The following UBE3B variants were observed in gnomAD, a reference collection of about 807,000 sequenced individuals.
The protein encoded by UBE3B is ubiquitin-protein ligase E3B.
Under a neutral mutation model 132.3 loss-of-function variants are expected in UBE3B, and 80 were observed. The observed-to-expected ratio is 0.60, with a 90% CI of 0.50 to 0.73. The LOEUF is 0.73. Ranked by LOEUF, UBE3B falls within the 30% of genes least tolerant of loss-of-function variation. The pLI is 0.00. For missense variants in UBE3B, 1,196 were observed against 1,362.5 expected, an observed-to-expected ratio of 0.88 and a Z score of 1.92; for synonymous variants, 487 against 520.4, an observed-to-expected ratio of 0.94 and a Z score of 0.87.
chr12:109,511,386 T>G (rs979547979), intron 18 of UBE3B, 83 bp downstream of exon 18: 2 of 1,269,998 alleles, frequency 1.6e-6, no homozygotes, highest in Admixed American at 1.9e-5. Context: ...GCTATGGCAA[T>G]TGGAGGTGAC....
rs1454599478 is a variant in UBE3B at position 109,521,146 on chromosome 12, A to G, written c.2077-2A>G. Reference sequence around the variant, plus strand: ...AATGGGCTGTAATTCTGCTCTTGGCAGGACGGCTACGAGCAGCTTAGGCAG... The same window carrying G: ...AATGGGCTGTAATTCTGCTCTTGGCGGGACGGCTACGAGCAGCTTAGGCAG... On this transcript the variant is annotated splice_acceptor_variant, in intron 19 of 27. Transcript: ENST00000342494. LOFTEE classifies it high-confidence loss of function. The surrounding 1 kb of genome is among the most constrained non-coding windows in gnomAD (Gnocchi z 4.2). 1.2e-6 allele frequency: 2 copies of G among 1,614,064 alleles called. No homozygotes were observed. Among genetic ancestry groups the G allele is most frequent in the Non-Finnish European group, 1.7e-6 (2 of 1,179,926 alleles).
rs752047709 is a variant in UBE3B at position 109,509,561 on chromosome 12, G to C, written c.1623-35G>C. 6.2e-6 allele frequency: 9 copies of C among 1,450,682 alleles called. No homozygotes were observed. The African/African-American group carries it at 1.3e-4, about 21-fold the overall frequency. 89.9% of individuals were successfully genotyped at this position (1,450,682 alleles called of 1,614,324 possible). ...TTTTTTTTCTCTTCGCCTTTTTTCA[G>C]TGTGGAATTGTGGGTAATTTTCTCT... On this transcript the variant is annotated intron_variant, in intron 15 of 27. Coordinates refer to ENST00000342494, the MANE Select transcript of UBE3B (RefSeq NM_130466.4).
At chr12:109,546,675 G>C in the UBE3B span, among the ~76,000 whole-genome samples, 1 of 152,214 alleles carries the variant, frequency 6.6e-6, no homozygotes, top group African/African-American at 2.4e-5. Flanking sequence ...TTGGGCACCT[G>C]CTGTGTGCAC....
chr12:109,497,844 A>G lies in UBE3B; in HGVS notation c.740A>G (p.Asp247Gly), dbSNP rs1878434648. The G allele has an allele frequency of 1.9e-6, 3 of 1,614,182 alleles. 1 individual carries two copies. In the African/African-American group the frequency reaches 4.0e-5, roughly 22 times the overall value. Reference protein sequence around the residue: ...LRPVIAAQFSDNLIRPFLIHI... With the variant: ...LRPVIAAQFSGNLIRPFLIHI... ...CCTGTGATTGCTGCACAGTTCTCAG[A>G]CAATCTGATTCGGCCGTTCCTCATC... The change falls in exon 10 of 28, where the codon GAC (aspartate) becomes GGC (glycine). Residue 247 changes from aspartate to glycine, a missense_variant. Transcript: ENST00000342494.
downstream of UBE3B, among the ~76,000 whole-genome samples, chr12:109,539,568 A>T (rs1188753815): frequency 6.6e-6 from 1 of 152,188 alleles, no homozygotes; most frequent in Non-Finnish European, 1.5e-5. Context: ...AGCACCCACC[A>T]TGCAGTCTTG....
chr12:109,482,804 C>T (rs186324240), intron 2 of UBE3B, among the ~76,000 whole-genome samples: 3 of 152,188 alleles, frequency 2.0e-5, no homozygotes, highest in African/African-American at 4.8e-5. Context: ...AGAAAAGCAC[C>T]CGTTAGTGGA....
rs148729825 is a variant in UBE3B, at chr12:109,533,487, C to G, written c.2944C>G (p.Pro982Ala). Residue 982 changes from proline (P) to alanine (A), a missense_variant, in exon 27 of 28, where the codon CCC (proline) becomes GCC (alanine). Transcript: ENST00000342494. ...FLKFVTSCSR[P>A]PLLGFAYLKP... ...GCAGTTCGTGACCAGCTGCTCCAGACCCCCGCTCCTGGGATTCGCCTACCT... is the reference window on the plus strand; with the variant it reads ...GCAGTTCGTGACCAGCTGCTCCAGAGCCCCGCTCCTGGGATTCGCCTACCT... 3.7e-6 allele frequency: 6 copies of G among 1,614,012 alleles called. No homozygotes were observed. The South Asian group carries it at 6.6e-5, about 18-fold the overall frequency.
intron 24 of UBE3B, 87 bp downstream of exon 24, chr12:109,526,503 T>C (rs1882350642): frequency 1.5e-6 from 2 of 1,343,236 alleles, no homozygotes; most frequent in Non-Finnish European, 2.1e-6. Flanking sequence ...TTTATTAAGA[T>C]AGATTGAAGT....
intron 26 of UBE3B, among the ~76,000 whole-genome samples, chr12:109,531,131 A>G (rs1304756667): frequency 6.6e-6 from 1 of 152,180 alleles, no homozygotes; most frequent in Non-Finnish European, 1.5e-5. Flanking sequence ...CATTTTCTCA[A>G]TAGCGTAAGA....
chr12:109,530,596 A>G lies in UBE3B; in HGVS notation c.2860A>G (p.Ile954Val). Residue 954 changes from isoleucine to valine, a missense_variant, in exon 26 of 28, where the codon ATC (isoleucine) becomes GTC (valine). Coordinates refer to ENST00000342494, the MANE Select transcript of UBE3B (RefSeq NM_130466.4). ...TTTCCATGGAAGTCACAGAGTCATC[A>G]TCTGGCTCTGGGATATTCTGGCCTC... Reference protein sequence around the residue: ...GGFHGSHRVIIWLWDILASDF... With the variant: ...GGFHGSHRVIVWLWDILASDF... 6.2e-7 allele frequency: 1 copy of G among 1,614,206 alleles called. No individual in the cohort carries two copies. Among genetic ancestry groups the G allele is most frequent in the Non-Finnish European group, 8.5e-7 (1 of 1,180,034 alleles).
the UBE3B span, among the ~76,000 whole-genome samples, chr12:109,542,414 A>G: frequency 1.6e-4 from 25 of 152,324 alleles, 3 homozygotes; most frequent in African/African-American, 5.5e-4. Context: ...TTCTTGGAAT[A>G]TGTCACCAAA....
chr12:109,521,622 A>ATGTG lies in UBE3B; in HGVS notation c.2364+72_2364+73insGTGT. 1.9e-5 allele frequency: 25 copies of ATGTG among 1,339,526 alleles called. No homozygotes were observed. Among genetic ancestry groups the ATGTG allele is most frequent in the Non-Finnish European group, 2.3e-5 (22 of 977,722 alleles). The allele number at this position is 1,339,526 out of a possible 1,614,324, so 83.0% of individuals were successfully genotyped here. ...GTACCATGGGCTTCTTCACATACAC[A>ATGTG]TATGTGATCAGGCTTGGCCATGTAA... is the stretch of plus-strand genomic sequence containing the variant. On this transcript the variant is annotated intron_variant, in intron 21 of 27. Transcript: ENST00000342494. This position sits in a 1 kb window ranked among gnomAD's most constrained non-coding sequence, Gnocchi z 4.2.
chr12:109,516,838 C>T lies in UBE3B; in HGVS notation c.2030C>T (p.Ser677Phe), dbSNP rs779335516. The change falls in exon 19 of 28, where the codon TCC (serine) becomes TTC (phenylalanine). Residue 677 changes from serine (S) to phenylalanine (F), a missense_variant. Coordinates refer to ENST00000342494, the MANE Select transcript of UBE3B (RefSeq NM_130466.4). ...KLGLVETSSA[S>F]PHVTHITIRR... ...GGGCTGGTGGAAACCAGCTCTGCCT[C>T]CCCGCATGTCACTCACATCACCATC... 6 of 1,614,110 alleles carry T rather than the reference C, an allele frequency of 3.7e-6. No homozygotes were observed. The South Asian group carries it at 4.4e-5, about 12-fold the overall frequency.
At chr12:109,509,768 G>C in intron 16 of UBE3B, 54 bp downstream of exon 16, 1 of 1,189,674 alleles carries the variant, frequency 8.4e-7, no homozygotes, top group South Asian at 1.4e-5. Context: ...CAGGGAGGCC[G>C]AAGAGTCTAT....
downstream of UBE3B, among the ~76,000 whole-genome samples, chr12:109,537,372 TTGG>T (rs1268753380): frequency 6.6e-6 from 1 of 152,214 alleles, no homozygotes; most frequent in Admixed American, 6.5e-5. Flanking sequence ...TTGCCCCGCC[TTGG>T]TGCTTCTGTC....
chr12:109,506,111 C>T (rs1446941114), intron 14 of UBE3B, among the ~76,000 whole-genome samples: 4 of 152,186 alleles, frequency 2.6e-5, no homozygotes, highest in Non-Finnish European at 1.5e-5. Flanking sequence ...TTTGCTTCCT[C>T]AGGGTTCCAT....
chr12:109,539,503 A>C (rs1309626416), downstream of UBE3B, among the ~76,000 whole-genome samples: 1 of 152,194 alleles, frequency 6.6e-6, no homozygotes, highest in African/African-American at 2.4e-5. Context: ...AGGCCGGTGG[A>C]AAGTTTCCTG....
intron 6 of UBE3B, among the ~76,000 whole-genome samples, chr12:109,486,973 C>T (rs868749923): frequency 3.9e-5 from 6 of 152,158 alleles, no homozygotes; most frequent in Non-Finnish European, 5.9e-5. Flanking sequence ...TATTCAGTAA[C>T]GTGGCAGCTA....
chr12:109,483,974 A>G lies in UBE3B; in HGVS notation c.275A>G (p.Asp92Gly). 2 of 1,611,498 alleles carry G rather than the reference A, an allele frequency of 1.2e-6. No homozygotes were observed. The highest frequency in any genetic ancestry group is 1.1e-5 in the South Asian group (1 of 90,106). Residue 92 changes from aspartate to glycine, a missense_variant, in exon 4 of 28, where the codon GAT becomes GGT. Physicochemically the swap from Asp to Gly is moderately conservative, Grantham distance 94. Coordinates refer to ENST00000342494, the MANE Select transcript of UBE3B (RefSeq NM_130466.4). ...KLLFLFRIKEDNERFEKLCRS... is the reference protein window; with the variant it reads ...KLLFLFRIKEGNERFEKLCRS... ...CTGTTCCTATTCAGAATCAAAGAGG[A>G]TAATGAGGTAAAACGATAATAGCAA...
Sources: allele counts gnomAD v4.1 joint callset (sites outside exome capture counted in the v4.1 genomes callset), GRCh38; gene constraint gnomAD v4.1.1; non-coding constraint Gnocchi (gnomAD v3.1); transcripts MANE v1.5; gene names NCBI Gene and HGNC (gene_info 2026-07-23, HGNC 2026-07-21).